Variants in CMKLR1 observed in about 807,000 individuals in gnomAD.
CMKLR1 encodes chemerin-like receptor 1.
A neutral mutation model predicts 8.2 loss-of-function variants in CMKLR1; 6 were observed. The ratio of observed to expected loss-of-function variants is 0.73; its 90% CI spans 0.40 to 1.44. The LOEUF (loss-of-function observed/expected upper bound fraction) is 1.44. Ranked by LOEUF, CMKLR1 falls within the 40% of genes most tolerant of loss-of-function variation. The pLI is 0.02. For missense variants in CMKLR1, 429 were observed against 478.0 expected (o/e 0.90, Z 0.96); for synonymous variants, 178 against 181.2 (o/e 0.98, Z 0.14).
intron 2 of CMKLR1, among the ~76,000 whole-genome samples, chr12:108,315,175 G>A (rs4570636): frequency 0.06 from 9,011 of 151,422 alleles, 733 homozygotes; most frequent in African/African-American, 0.18. Context: ...CACCTGCCTC[G>A]GCCTCCCAAA....
At chr12:108,304,845 G>C (rs528081922) in intron 2 of CMKLR1, among the ~76,000 whole-genome samples, 1 of 152,368 alleles carries the variant, frequency 6.6e-6, no homozygotes, top group Non-Finnish European at 1.5e-5. Flanking sequence ...TTTCATCGCA[G>C]GCTACCACTA....
rs1890949548 is a variant in CMKLR1, at chr12:108,291,065, C to A, written c.*776G>T. The A allele has an allele frequency of 6.6e-6, 1 of 152,314 alleles. No homozygotes were observed. The highest frequency in any genetic ancestry group is 6.5e-5 in the Admixed American group (1 of 15,286). 9.4% of individuals were successfully genotyped at this position (152,314 alleles called of 1,614,324 possible). On this transcript the variant is annotated 3_prime_UTR_variant, in exon 4 of 4. Transcript: ENST00000550402. Reference sequence around the variant, plus strand: ...TCAGGGGCTGGCACCACCCTGACGCCCCAAATAGCTCCAGCCTAAAGCACC... The same window carrying A: ...TCAGGGGCTGGCACCACCCTGACGCACCAAATAGCTCCAGCCTAAAGCACC...
chr12:108,299,114 G>T (rs1427482747), intron 2 of CMKLR1, among the ~76,000 whole-genome samples: 1 of 152,218 alleles, frequency 6.6e-6, no homozygotes, highest in Non-Finnish European at 1.5e-5. Context: ...TGTGTTTGGA[G>T]TCAGGACTGG....
At chr12:108,297,049 A>G (rs1891156802) in intron 2 of CMKLR1, among the ~76,000 whole-genome samples, 1 of 152,200 alleles carries the variant, frequency 6.6e-6, no homozygotes, top group Admixed American at 6.5e-5. Flanking sequence ...AATATGCGTC[A>G]CTATATATAC....
At chr12:108,336,539 C>T (rs905683201) in intron 1 of CMKLR1, among the ~76,000 whole-genome samples, 14 of 151,236 alleles carry the variant, frequency 9.3e-5, no homozygotes, top group Admixed American at 7.9e-4. Context: ...GAGCGAGACT[C>T]CATCTCCAGG....
At chr12:108,298,895 G>A (rs993210322) in intron 2 of CMKLR1, among the ~76,000 whole-genome samples, 3 of 152,218 alleles carry the variant, frequency 2.0e-5, no homozygotes, top group Non-Finnish European at 2.9e-5. Flanking sequence ...TCCATTCCCT[G>A]GGACGGTCCC....
At chr12:108,299,880 T>A (rs1292817915) in intron 2 of CMKLR1, among the ~76,000 whole-genome samples, 2 of 152,130 alleles carry the variant, frequency 1.3e-5, no homozygotes, top group African/African-American at 4.8e-5. Flanking sequence ...TTTAAGCCAC[T>A]CAGTTTGTGA....
chr12:108,311,590 C>A (rs890861725), intron 2 of CMKLR1, among the ~76,000 whole-genome samples: 1 of 152,162 alleles, frequency 6.6e-6, no homozygotes, highest in Non-Finnish European at 1.5e-5. Context: ...TGCACCACTG[C>A]GCTCCAGCCT....
chr12:108,293,451 A>C, intron 3 of CMKLR1, 138 bp downstream of exon 3: 2 of 817,064 alleles, frequency 2.4e-6, no homozygotes, highest in Non-Finnish European at 4.0e-6. Flanking sequence ...GCAATGAAGA[A>C]GAGGTACATG....
intron 2 of CMKLR1, among the ~76,000 whole-genome samples, chr12:108,296,378 G>T (rs1891135474): frequency 6.6e-6 from 1 of 152,216 alleles, no homozygotes; most frequent in Non-Finnish European, 1.5e-5. Flanking sequence ...CTATATTGTT[G>T]TTATTGGCAT....
intron 2 of CMKLR1, among the ~76,000 whole-genome samples, chr12:108,301,064 C>A (rs1891255496): frequency 6.7e-6 from 1 of 148,222 alleles, no homozygotes; most frequent in South Asian, 2.1e-4. Context: ...TCAGCATCCA[C>A]CCAAGTCTTT....
At chr12:108,324,669 T>C (rs1891941138) in intron 2 of CMKLR1, among the ~76,000 whole-genome samples, 1 of 152,148 alleles carries the variant, frequency 6.6e-6, no homozygotes, top group South Asian at 2.1e-4. Flanking sequence ...TCAAAATAAT[T>C]GTATGCAGTT....
rs958669940 is a variant in CMKLR1, at chr12:108,292,066, G to C, written c.897C>G (p.Pro299=). The part of the protein sequence containing the change: ...MPGSVFSLGL[P]LATALAIANS... Reference sequence around the variant, plus strand: ...TGGCAATGGCAAGGGCAGTGGCCAGGGGCAAACCCAGGCTGAAGACAGAGC... The same window carrying C: ...TGGCAATGGCAAGGGCAGTGGCCAGCGGCAAACCCAGGCTGAAGACAGAGC... The change falls in exon 4 of 4, where the codon CCC becomes CCG. Residue 299 remains proline (P), a synonymous_variant. Coordinates refer to ENST00000550402, the MANE Select transcript of CMKLR1 (RefSeq NM_001142343.2). The C allele has an allele frequency of 2.0e-5, 32 of 1,614,234 alleles. No homozygotes were observed. The highest frequency in any genetic ancestry group is 2.7e-5 in the Non-Finnish European group (32 of 1,180,042).
At chr12:108,328,577 C>T (rs1236272106) in intron 2 of CMKLR1, among the ~76,000 whole-genome samples, 1 of 152,208 alleles carries the variant, frequency 6.6e-6, no homozygotes, top group Non-Finnish European at 1.5e-5. Flanking sequence ...TGCCTCTATC[C>T]ACCCGGTGGC....
chr12:108,311,975 T>G (rs1044728387), intron 2 of CMKLR1, among the ~76,000 whole-genome samples: 3 of 152,330 alleles, frequency 2.0e-5, no homozygotes, highest in Middle Eastern at 3.4e-3. Flanking sequence ...GCCTGGGGTG[T>G]GCTTTCCACA....
intron 2 of CMKLR1, chr12:108,320,434 C>T (rs536940636): frequency 6.6e-6 from 1 of 152,304 alleles, no homozygotes; most frequent in African/African-American, 2.4e-5. Flanking sequence ...CTCCAGGGAT[C>T]CGGGACTCAG....
At chr12:108,304,267 C>T (rs1015907856) in intron 2 of CMKLR1, among the ~76,000 whole-genome samples, 1 of 152,150 alleles carries the variant, frequency 6.6e-6, no homozygotes, top group African/African-American at 2.4e-5. Context: ...AGTGAGTTCT[C>T]CTTGCCATTA....
intron 2 of CMKLR1, among the ~76,000 whole-genome samples, chr12:108,295,000 G>C (rs1891094857): frequency 6.6e-6 from 1 of 152,236 alleles, no homozygotes; most frequent in African/African-American, 2.4e-5. Flanking sequence ...AAGCTTGGGT[G>C]TTATCCCACT....
intron 1 of CMKLR1, among the ~76,000 whole-genome samples, chr12:108,332,642 C>T (rs1186929079): frequency 6.6e-6 from 1 of 152,150 alleles, no homozygotes; most frequent in South Asian, 2.1e-4. Flanking sequence ...CCTCGAACAT[C>T]GGATTCCAAG....
Sources: allele counts gnomAD v4.1 joint callset (sites outside exome capture counted in the v4.1 genomes callset), GRCh38; gene constraint gnomAD v4.1.1; transcripts MANE v1.5; gene names NCBI Gene and HGNC (gene_info 2026-07-23, HGNC 2026-07-21).